Variants in PHF14 observed in about 807,000 individuals in gnomAD.
PHF14 encodes the protein PHD finger protein 14.
A neutral mutation model predicts 117.9 loss-of-function variants in PHF14; 55 were observed. That is an observed-to-expected ratio of 0.47 (90% CI 0.38 to 0.58). PHF14 has a LOEUF of 0.58. Among genes scored for constraint, PHF14 ranks in the 20% least tolerant of loss-of-function variants. The pLI is 0.00. For synonymous variants in PHF14, 409 were observed against 368.6 expected, an observed-to-expected ratio of 1.11 and a Z score of -1.26; for missense variants, 978 against 1,122.2, an observed-to-expected ratio of 0.87 and a Z score of 1.84.
intron 5 of PHF14, among the ~76,000 whole-genome samples, chr7:11,014,643 C>T (rs1783463691): frequency 6.6e-6 from 1 of 152,094 alleles, no homozygotes; most frequent in Non-Finnish European, 1.5e-5. Flanking sequence ...TGAAAAGCCC[C>T]TCCGTTCTAC....
chr7:11,127,286 G>C (rs1787954519), intron 17 of PHF14, among the ~76,000 whole-genome samples: 1 of 149,984 alleles, frequency 6.7e-6, no homozygotes, highest in South Asian at 2.1e-4. Context: ...TCTATGTAGA[G>C]GTGCCTTGAT....
At position 11,028,777 on chromosome 7, in the gene PHF14, G is replaced by A; in HGVS notation, c.1414G>A (p.Ala472Thr). Residue 472 changes from alanine (A) to threonine (T), a missense_variant, in exon 7 of 18, where the codon GCT becomes ACT. Physicochemically the swap from Ala to Thr is moderately conservative, Grantham distance 58 (BLOSUM62 0). Around this residue, in one of 7 missense-constraint regions of PHF14, gnomAD observed 23 missense variants for 66.8 expected, o/e 0.34. Coordinates refer to ENST00000634607, the MANE Select transcript of PHF14 (RefSeq NM_001007157.2). ...CAGAGCCTATTTCCATGTGACCTGT[G>A]CTCAAAAGGAAGGTCTGCTTTCAGA... Reference protein sequence around the residue: ...MCRAYFHVTCAQKEGLLSEAA... With the variant: ...MCRAYFHVTCTQKEGLLSEAA... 2 of 1,613,776 alleles carry A rather than the reference G, an allele frequency of 1.2e-6. No homozygotes were observed. The highest frequency in any genetic ancestry group is 2.2e-5 in the East Asian group (1 of 44,864).
At chr7:11,091,314 G>C (rs996700094) in intron 16 of PHF14, among the ~76,000 whole-genome samples, 7 of 152,134 alleles carry the variant, frequency 4.6e-5, no homozygotes, top group African/African-American at 1.7e-4. Flanking sequence ...CTGAATAATG[G>C]GAGAGAATGG....
At chr7:11,162,228 A>G (rs779929581) in intron 17 of PHF14, among the ~76,000 whole-genome samples, 9 of 151,700 alleles carry the variant, frequency 5.9e-5, no homozygotes, top group Middle Eastern at 6.8e-3. Flanking sequence ...AGCTGGGACT[A>G]CAGGCACACG....
chr7:11,134,730 T>A (rs10242109), intron 17 of PHF14, among the ~76,000 whole-genome samples: 3,321 of 152,164 alleles, frequency 0.022, 121 homozygotes, highest in African/African-American at 0.076. Flanking sequence ...TCAGAAATTA[T>A]CGTAATCTTG....
chr7:11,028,873 T>C, intron 7 of PHF14, 55 bp downstream of exon 7: 2 of 1,423,724 alleles, frequency 1.4e-6, no homozygotes, highest in Non-Finnish European at 2.0e-6. Flanking sequence ...ATCTTTTGAC[T>C]CTATGTCCTA....
At chr7:10,996,077 C>G (rs939081204) in intron 4 of PHF14, among the ~76,000 whole-genome samples, 4 of 152,232 alleles carry the variant, frequency 2.6e-5, no homozygotes, top group African/African-American at 9.6e-5. Context: ...TGCCAGCACG[C>G]TGTCACCTAT....
chr7:11,006,514 C>G, intron 4 of PHF14: 3 of 565,190 alleles, frequency 5.3e-6, no homozygotes, highest in South Asian at 4.1e-5. Context: ...TTGGCCACAT[C>G]AATGTCACAG....
chr7:11,017,893 G>A (rs1400853451), intron 5 of PHF14, among the ~76,000 whole-genome samples: 1 of 152,140 alleles, frequency 6.6e-6, no homozygotes, highest in Non-Finnish European at 1.5e-5. Flanking sequence ...TTCATAGTTT[G>A]AGGTCTTAGA....
At chr7:11,150,077 G>A (rs371559740) in intron 17 of PHF14, among the ~76,000 whole-genome samples, 1 of 151,976 alleles carries the variant, frequency 6.6e-6, no homozygotes, top group African/African-American at 2.4e-5. Context: ...TGCAAGTCAC[G>A]GAAGATTTAC....
chr7:11,093,340 G>A (rs1453466127), intron 16 of PHF14, among the ~76,000 whole-genome samples: 1 of 152,062 alleles, frequency 6.6e-6, no homozygotes, highest in Non-Finnish European at 1.5e-5. Flanking sequence ...GAATACTTAC[G>A]CCTGAAAAGG....
At chr7:11,165,211 C>T (rs1312815688) in intron 17 of PHF14, among the ~76,000 whole-genome samples, 1 of 152,228 alleles carries the variant, frequency 6.6e-6, no homozygotes, top group African/African-American at 2.4e-5. Flanking sequence ...GCGTGAGCCA[C>T]TGTAGCCGGC....
At chr7:11,095,585 G>A (rs964395319) in intron 16 of PHF14, among the ~76,000 whole-genome samples, 3 of 152,072 alleles carry the variant, frequency 2.0e-5, no homozygotes, top group African/African-American at 4.8e-5. Context: ...GGTTTCCTGG[G>A]AGAATCAATT....
intron 4 of PHF14, chr7:11,006,829 T>C: frequency 1.4e-6 from 1 of 734,330 alleles, no homozygotes; most frequent in Non-Finnish European, 2.4e-6. Flanking sequence ...TGGCTTCAGC[T>C]TTAGGAGGGA....
intron 17 of PHF14, among the ~76,000 whole-genome samples, chr7:11,121,278 T>G (rs1043823607): frequency 1.3e-5 from 2 of 152,222 alleles, no homozygotes; most frequent in African/African-American, 4.8e-5. Context: ...TTTTTAACTT[T>G]TAGAGCATAT....
chr7:11,013,644 C>A, intron 4 of PHF14, 103 bp from the exon 5 acceptor site: 1 of 583,216 alleles, frequency 1.7e-6, no homozygotes, highest in Non-Finnish European at 2.9e-6. Flanking sequence ...ATTGGTGTTT[C>A]ATATCTTTTT....
rs775087479 is a variant in PHF14, at chr7:11,013,916, C to T, written c.1205+10C>T. 3 of 1,578,174 alleles carry T rather than the reference C, an allele frequency of 1.9e-6. No individual in the cohort carries two copies. Among genetic ancestry groups the T allele is most frequent in the South Asian group, 2.3e-5 (2 of 87,362 alleles). On this transcript the variant is annotated intron_variant, in intron 5 of 17. Coordinates refer to ENST00000634607, the MANE Select transcript of PHF14 (RefSeq NM_001007157.2). ...AGACAGATGCTGGAAGGTTAATGTC[C>T]TAATTATGTTGGTTCATATGTTTGC... is the stretch of plus-strand genomic sequence containing the variant.
At chr7:11,006,319 C>T in intron 4 of PHF14, 1 of 415,106 alleles carries the variant, frequency 2.4e-6, no homozygotes, top group Non-Finnish European at 4.6e-6. Context: ...ACTTGCCTGT[C>T]ATTTTCTTAG....
At chr7:11,073,185 C>T (rs532993287) in intron 16 of PHF14, among the ~76,000 whole-genome samples, 2 of 152,224 alleles carry the variant, frequency 1.3e-5, no homozygotes, top group South Asian at 2.1e-4. Context: ...ATCGTTGATT[C>T]AAAAGTCCAA....
Sources: gnomAD v4.1 joint callset for allele counts (sites outside exome capture counted in the v4.1 genomes callset) on GRCh38, gnomAD v4.1.1 for gene constraint, gnomAD v4.1.1 regional missense constraint, MANE v1.5 for transcripts, NCBI Gene and HGNC (gene_info 2026-07-23, HGNC 2026-07-21) for gene names.